The following MAP4 variants were observed in gnomAD, a reference collection of about 807,000 sequenced individuals.
MAP4 encodes the protein microtubule-associated protein 4.
In MAP4, 76 loss-of-function variants were observed where a neutral mutation model predicts 170.2. The observed-to-expected ratio is 0.45, with a 90% CI of 0.37 to 0.54. MAP4 has a LOEUF of 0.54. MAP4 is among the 20% of genes least tolerant of loss of function. The pLI, the probability that MAP4 is intolerant of heterozygous loss-of-function variation, is 0.00. For synonymous variants in MAP4, 909 were observed against 994.5 expected (o/e 0.91, Z 1.62); for missense variants, 2,506 against 2,748.0 (o/e 0.91, Z 1.97).
intron 1 of MAP4, among the ~76,000 whole-genome samples, chr3:48,076,426 C>A (rs1458294168): frequency 6.6e-6 from 1 of 151,478 alleles, no homozygotes; most frequent in African/African-American, 2.4e-5. Flanking sequence ...GGCATGAACC[C>A]GGGAGGTGGA....
chr3:47,879,042 T>A (rs1461141425), intron 10 of MAP4, among the ~76,000 whole-genome samples: 1 of 152,168 alleles, frequency 6.6e-6, no homozygotes, highest in Admixed American at 6.5e-5. Context: ...ATCCTAGAAG[T>A]GTATTTACAC....
In MAP4 at chr3:47,977,784, A is replaced by T. The variant is rs1379110821; in HGVS notation, c.292+81T>A. 13 of 924,276 alleles carry T rather than the reference A, an allele frequency of 1.4e-5. No homozygotes were observed. In the Admixed American group the frequency reaches 2.4e-4, roughly 17 times the overall value. 57.3% of individuals were successfully genotyped at this position (924,276 alleles called of 1,614,324 possible). On this transcript the variant is annotated intron_variant, in intron 3 of 20. Coordinates refer to ENST00000683076, the MANE Select transcript of MAP4 (RefSeq NM_001385682.1). Reference sequence around the variant, plus strand: ...AAATAATTCATATGCTTCCATTAATAATGCTCTTCAAAGGAGATTATCAAG... The same window carrying T: ...AAATAATTCATATGCTTCCATTAATTATGCTCTTCAAAGGAGATTATCAAG...
intron 3 of MAP4, among the ~76,000 whole-genome samples, chr3:47,935,870 C>G (rs2100052443): frequency 7.3e-6 from 1 of 137,588 alleles, no homozygotes; most frequent in African/African-American, 2.8e-5. Flanking sequence ...ACCCGGGAGG[C>G]AGAGGCTGCA....
chr3:47,914,723 C>T, intron 8 of MAP4, 94 bp downstream of exon 8: 2 of 1,426,340 alleles, frequency 1.4e-6, no homozygotes, highest in Non-Finnish European at 9.8e-7. Flanking sequence ...TGCTGATTAC[C>T]ACCATACAAC....
intron 2 of MAP4, among the ~76,000 whole-genome samples, chr3:47,993,551 G>T (rs1201429605): frequency 6.6e-6 from 1 of 152,212 alleles, no homozygotes; most frequent in Non-Finnish European, 1.5e-5. Context: ...CTCAACTGGT[G>T]CCAAAATGGT....
intron 3 of MAP4, among the ~76,000 whole-genome samples, chr3:47,958,080 A>G (rs1176744540): frequency 6.6e-6 from 1 of 152,232 alleles, no homozygotes; most frequent in Non-Finnish European, 1.5e-5. Flanking sequence ...TACACCACTG[A>G]ACCAACAGGC....
intron 1 of MAP4, among the ~76,000 whole-genome samples, chr3:48,085,698 G>A: frequency 6.6e-6 from 1 of 152,142 alleles, no homozygotes; most frequent in Admixed American, 6.5e-5. Flanking sequence ...GAGGTAGGTG[G>A]ATCATCTGAG....
At chr3:48,083,164 G>T (rs2100147446) in intron 1 of MAP4, among the ~76,000 whole-genome samples, 1 of 152,164 alleles carries the variant, frequency 6.6e-6, no homozygotes, top group Non-Finnish European at 1.5e-5. Flanking sequence ...TCTGTAGTTT[G>T]CTCAATAATA....
At chr3:47,878,629 T>C (rs941533716) in intron 10 of MAP4, among the ~76,000 whole-genome samples, 8 of 152,054 alleles carry the variant, frequency 5.3e-5, no homozygotes, top group Non-Finnish European at 8.8e-5. Flanking sequence ...AACCTCTGTC[T>C]CCCCATTCAA....
chr3:48,047,297 A>G (rs946156627), intron 1 of MAP4, among the ~76,000 whole-genome samples: 1 of 151,972 alleles, frequency 6.6e-6, no homozygotes, highest in African/African-American at 2.4e-5. Context: ...TAGATTCTGC[A>G]CTAGACTCAA....
At chr3:47,879,202 A>G (rs2096177109) in intron 10 of MAP4, among the ~76,000 whole-genome samples, 1 of 152,076 alleles carries the variant, frequency 6.6e-6, no homozygotes, top group Admixed American at 6.5e-5. Flanking sequence ...GCATGGAGAA[A>G]TTCTTTTATG....
intron 6 of MAP4, 80 bp from the exon 7 acceptor site, chr3:47,917,254 T>C: frequency 8.2e-7 from 1 of 1,224,254 alleles, no homozygotes; most frequent in Non-Finnish European, 1.2e-6. Context: ...GGCATGAGAG[T>C]ATTTGGCTTT....
In MAP4 at chr3:47,909,913, G is replaced by T; in HGVS notation, c.4508C>A (p.Thr1503Lys). 6.2e-7 allele frequency: 1 copy of T among 1,614,026 alleles called. No homozygotes were observed. Among genetic ancestry groups the T allele is most frequent in the South Asian group, 1.1e-5 (1 of 91,086 alleles). The change falls in exon 9 of 21, where the codon ACA becomes AAA. Residue 1503 changes from threonine (T) to lysine (K), a missense_variant. By Grantham distance (78) the Thr-to-Lys change is moderately conservative. This residue lies in a region of MAP4 where 2,008 missense variants were observed against 2,206.0 expected (regional missense o/e 0.91). Transcript: ENST00000683076. ...PKGPSAVVPS[T>K]STGGVALPIT... ...AGGTAGAGCAACTCCTCCTGTGCTT[G>T]TAGAGGGCACAACAGCAGAGGGACC...
At chr3:48,033,791 G>A (rs1002124059) in intron 1 of MAP4, among the ~76,000 whole-genome samples, 9 of 151,996 alleles carry the variant, frequency 5.9e-5, no homozygotes, top group Admixed American at 4.6e-4. Context: ...AGTAAAGACG[G>A]ATTTTTTCAC....
In MAP4 at chr3:47,916,324, G is replaced by A; in HGVS notation, c.1503C>T (p.Gly501=). ...ATAGTGGAGACATGTCCTTCAACAA[G>A]CCCACTTCTTTTACTGTGGACGGAG... ...DVAPSTVKEV[G]LLKDMSPLSE... Residue 501 remains glycine, a synonymous_variant, in exon 7 of 21, where the codon GGC becomes GGT. Transcript: ENST00000683076. 5 of 1,614,238 alleles carry A rather than the reference G, an allele frequency of 3.1e-6. No individual in the cohort carries two copies. Among genetic ancestry groups the A allele is most frequent in the Non-Finnish European group, 4.2e-6 (5 of 1,180,048 alleles).
At chr3:48,056,878 C>G (rs1210190836) in intron 1 of MAP4, among the ~76,000 whole-genome samples, 1 of 133,452 alleles carries the variant, frequency 7.5e-6, no homozygotes, top group South Asian at 2.4e-4. Flanking sequence ...CCAGCCACCC[C>G]GTCCGGGAGG....
chr3:47,947,772 C>T (rs1288957547), intron 3 of MAP4, among the ~76,000 whole-genome samples: 1 of 144,124 alleles, frequency 6.9e-6, no homozygotes, highest in Non-Finnish European at 1.5e-5. Context: ...GATCGCACCA[C>T]TGCACTCCAG....
chr3:47,963,248 A>G (rs1273343895), intron 3 of MAP4, among the ~76,000 whole-genome samples: 1 of 152,258 alleles, frequency 6.6e-6, no homozygotes, highest in East Asian at 1.9e-4. Flanking sequence ...ATGATTTAAC[A>G]AAAGTATATA....
At position 48,048,506 on chromosome 3, in the gene MAP4, CTTTTTTTTTT is replaced by C. The variant is rs67709674; in HGVS notation, c.-20+40257_-20+40266del. On this transcript the variant is annotated intron_variant, in intron 1 of 18. Transcript: ENST00000360240. ...TCAGGTAGATCCAGATCTCAATTAT[CTTTTTTTTTT>C]TTTTTTTTTTTTTTTTTTGAGACAA... 4.6e-4 allele frequency among the ~76,000 whole-genome samples: 31 copies of C among 66,994 alleles called. 1 individual carries two copies. The highest frequency in any genetic ancestry group is 9.6e-3 in the Middle Eastern group (1 of 104). The allele number at this position is 66,994 out of a possible 152,430, so 44.0% of individuals were successfully genotyped here. A position where few individuals can be genotyped will look rare whatever the true frequency, so the allele number is the denominator to read the frequency against.
Sources: allele counts gnomAD v4.1 joint callset (sites outside exome capture counted in the v4.1 genomes callset), GRCh38; gene constraint gnomAD v4.1.1; regional missense constraint gnomAD v4.1.1; transcripts MANE v1.5; gene names NCBI Gene and HGNC (gene_info 2026-07-23, HGNC 2026-07-21).